MDGA2: variants seen among roughly 807,000 people sequenced by gnomAD.
The protein encoded by MDGA2 is MAM domain containing glycosylphosphatidylinositol anchor 2, also known as MAM domain-containing glycosylphosphatidylinositol anchor protein 2.
In MDGA2, 40 loss-of-function variants were observed where a neutral mutation model predicts 117.8. The ratio of observed to expected loss-of-function variants is 0.34; its 90% CI spans 0.26 to 0.44. MDGA2 has a LOEUF of 0.44. Among genes scored for constraint, MDGA2 ranks in the 20% least tolerant of loss-of-function variants. The probability of loss-of-function intolerance (pLI) is 1.00; values close to 1 mark genes in which losing one functional copy is unlikely to be tolerated. For missense variants in MDGA2, 1,123 were observed against 1,250.6 expected (o/e 0.90, Z 1.54); for synonymous variants, 452 against 439.0 (o/e 1.03, Z -0.37).
intron 2 of MDGA2, among the ~76,000 whole-genome samples, chr14:47,249,086 C>T (rs1334205280): frequency 6.6e-6 from 1 of 150,972 alleles, no homozygotes; most frequent in African/African-American, 2.4e-5. Flanking sequence ...GGTGCGATCT[C>T]GGCTCACTGC....
At chr14:47,171,469 A>G (rs192520605) in intron 3 of MDGA2, among the ~76,000 whole-genome samples, 177 of 152,334 alleles carry the variant, frequency 1.2e-3, no homozygotes, top group Non-Finnish European at 2.1e-3. Context: ...GGCAATTTAT[A>G]TGAAAAATGT....
At chr14:47,348,776 C>T (rs1890817348) in intron 1 of MDGA2, among the ~76,000 whole-genome samples, 1 of 152,028 alleles carries the variant, frequency 6.6e-6, no homozygotes, top group African/African-American at 2.4e-5. Context: ...GTGGCAAGAA[C>T]TTAAGAAAAT....
intron 1 of MDGA2, among the ~76,000 whole-genome samples, chr14:47,309,340 T>C (rs1304249780): frequency 3.9e-5 from 6 of 152,138 alleles, no homozygotes; most frequent in African/African-American, 1.4e-4. Context: ...TTGGTTAACA[T>C]TGTATTCCTG....
intron 8 of MDGA2, among the ~76,000 whole-genome samples, chr14:46,962,634 C>T (rs1885857089): frequency 6.8e-6 from 1 of 147,174 alleles, no homozygotes; most frequent in Non-Finnish European, 1.5e-5. Flanking sequence ...CAATATTGTC[C>T]AGATTTTAGT....
intron 1 of MDGA2, among the ~76,000 whole-genome samples, chr14:47,419,378 T>G (rs1171766954): frequency 6.6e-6 from 1 of 152,166 alleles, no homozygotes; most frequent in Non-Finnish European, 1.5e-5. Flanking sequence ...GTAGGCTGAT[T>G]GACCCATGAG....
intron 2 of MDGA2, among the ~76,000 whole-genome samples, chr14:47,262,109 A>G (rs1258289403): frequency 1.3e-5 from 2 of 152,202 alleles, no homozygotes; most frequent in Non-Finnish European, 2.9e-5. Flanking sequence ...GGCTACGACA[A>G]GCAGATCAGA....
chr14:46,869,656 T>C (rs934010837), intron 14 of MDGA2, among the ~76,000 whole-genome samples: 3 of 151,886 alleles, frequency 2.0e-5, no homozygotes, highest in Non-Finnish European at 4.4e-5. Context: ...TCTCTCCCCT[T>C]GGGTATGGGC....
intron 6 of MDGA2, among the ~76,000 whole-genome samples, chr14:47,093,301 CAA>C (rs1310237096): frequency 6.6e-6 from 1 of 152,028 alleles, no homozygotes; most frequent in Non-Finnish European, 1.5e-5. Flanking sequence ...ACAGAACATT[CAA>C]AGAGGCCACT....
chr14:46,997,600 G>C lies in MDGA2; in HGVS notation c.1819+37411C>G, dbSNP rs560222752. On this transcript the variant is annotated intron_variant, in intron 8 of 16. Transcript: ENST00000399232. ...GAAACCCACTAACCCCTGCCTATTT[G>C]TGTTTCCCACTTTGGTTATTTAGCA... 2.6e-5 allele frequency among the ~76,000 whole-genome samples: 4 copies of C among 152,202 alleles called. No individual in the cohort carries two copies. In the South Asian group the frequency reaches 6.2e-4, roughly 24 times the overall value.
At chr14:47,528,753 T>C (rs1482006303) in intron 1 of MDGA2, among the ~76,000 whole-genome samples, 2 of 152,164 alleles carry the variant, frequency 1.3e-5, no homozygotes, top group African/African-American at 4.8e-5. Context: ...AATCAAATAA[T>C]TCTCTTCTAA....
At position 46,874,184 on chromosome 14, in the gene MDGA2, T is replaced by C. The variant is rs752917333; in HGVS notation, c.2454A>G (p.Gly818=). ...VNPHLREFHC[G]FEDGNICLFT... ...ACAAACAAATATTACCATCTTCAAA[T>C]CCACAATGAAATTCTCCTGTTGGTA... Residue 818 remains glycine (G), a synonymous_variant, in exon 13 of 17, where the codon GGA becomes GGG. Transcript: ENST00000399232. The C allele has an allele frequency of 1.4e-6, 2 of 1,433,864 alleles. No individual in the cohort carries two copies. The highest frequency in any genetic ancestry group is 1.8e-6 in the Non-Finnish European group (2 of 1,087,456). The allele number at this position is 1,433,864 out of a possible 1,614,324, so 88.8% of individuals were successfully genotyped here. A position where few individuals can be genotyped will look rare whatever the true frequency, so the allele number is the denominator to read the frequency against.
At chr14:47,135,884 CA>C (rs1439353225) in intron 4 of MDGA2, among the ~76,000 whole-genome samples, 6 of 151,872 alleles carry the variant, frequency 4.0e-5, no homozygotes, top group African/African-American at 7.3e-5. Context: ...ATGTGTCCTT[CA>C]AAAAATATAT....
At chr14:47,154,753 C>T (rs978417993) in intron 3 of MDGA2, among the ~76,000 whole-genome samples, 2 of 152,142 alleles carry the variant, frequency 1.3e-5, no homozygotes, top group Admixed American at 6.5e-5. Context: ...GAGGGCCACT[C>T]GGCACCGGCC....
At chr14:47,561,349 C>T (rs1258931914) in intron 1 of MDGA2, among the ~76,000 whole-genome samples, 1 of 151,798 alleles carries the variant, frequency 6.6e-6, no homozygotes, top group African/African-American at 2.4e-5. Context: ...GATATTGAAT[C>T]TTCCCATCCA....
chr14:47,292,513 A>C, intron 2 of MDGA2, among the ~76,000 whole-genome samples: 1 of 152,154 alleles, frequency 6.6e-6, no homozygotes, highest in Non-Finnish European at 1.5e-5. Context: ...CATTGATGTC[A>C]GTGCTAGCTC....
At chr14:47,130,769 A>G (rs2139148135) in intron 5 of MDGA2, among the ~76,000 whole-genome samples, 1 of 152,284 alleles carries the variant, frequency 6.6e-6, no homozygotes, top group Middle Eastern at 3.4e-3. Flanking sequence ...AACAAGGTGC[A>G]AAAGCTAGTA....
Position 46,877,639 on chromosome 14 carries a change from G to A in MDGA2, c.2417-130C>T. On this transcript the variant is annotated intron_variant, in intron 11 of 16. Transcript: ENST00000399232. Reference sequence around the variant, plus strand: ...AAAACTTAATGATCTTTCCCACTGTGGCCATTGAGATTTATATCTGCAATC... The same window carrying A: ...AAAACTTAATGATCTTTCCCACTGTAGCCATTGAGATTTATATCTGCAATC... The A allele has an allele frequency of 7.2e-6, 4 of 554,900 alleles. No individual in the cohort carries two copies. In the South Asian group the frequency reaches 9.3e-5, roughly 13 times the overall value. The allele number at this position is 554,900 out of a possible 1,614,324, so 34.4% of individuals were successfully genotyped here. A position where few individuals can be genotyped will look rare whatever the true frequency, so the allele number is the denominator to read the frequency against.
At chr14:47,394,153 A>G (rs1293583133) in intron 1 of MDGA2, among the ~76,000 whole-genome samples, 1 of 152,136 alleles carries the variant, frequency 6.6e-6, no homozygotes, top group East Asian at 1.9e-4. Flanking sequence ...AATGCTACAC[A>G]TTTGTTAGCA....
intron 3 of MDGA2, among the ~76,000 whole-genome samples, chr14:47,184,249 G>T (rs34479835): frequency 1.3e-5 from 2 of 151,960 alleles, no homozygotes; most frequent in Non-Finnish European, 2.9e-5. Context: ...TAATTAAAAT[G>T]TATTAGTGGT....
Sources: allele counts gnomAD v4.1 joint callset (sites outside exome capture counted in the v4.1 genomes callset), GRCh38; gene constraint gnomAD v4.1.1; transcripts MANE v1.5; gene names NCBI Gene and HGNC (gene_info 2026-07-23, HGNC 2026-07-21).